Variants in PCDH9 observed in about 807,000 individuals in gnomAD.
PCDH9 encodes the protein protocadherin 9, also known as protocadherin-9.
A neutral mutation model predicts 70.6 loss-of-function variants in PCDH9; 24 were observed. The observed-to-expected ratio is 0.34, with a 90% confidence interval of 0.25 to 0.48. PCDH9 has a LOEUF of 0.48. Among genes scored for constraint, PCDH9 ranks in the 20% least tolerant of loss-of-function variants. The pLI, the probability that PCDH9 is intolerant of heterozygous loss-of-function variation, is 0.99. For missense variants in PCDH9, 1,281 were observed against 1,503.6 expected, an observed-to-expected ratio of 0.85 and a Z score of 2.45; for synonymous variants, 562 against 558.5, an observed-to-expected ratio of 1.01 and a Z score of -0.09.
chr13:66,729,818 G>A (rs2079049382), intron 3 of PCDH9, among the ~76,000 whole-genome samples: 1 of 152,078 alleles, frequency 6.6e-6, no homozygotes, highest in Non-Finnish European at 1.5e-5. Context: ...TTTATGCATT[G>A]ATGATCCTCT....
chr13:67,156,075 C>CGGGA (rs1158661344), intron 2 of PCDH9, among the ~76,000 whole-genome samples: 1 of 151,972 alleles, frequency 6.6e-6, no homozygotes, highest in Non-Finnish European at 1.5e-5. Context: ...TTAAATGATA[C>CGGGA]GGGAGTGCTG....
At chr13:66,786,926 T>C (rs1404210928) in intron 3 of PCDH9, among the ~76,000 whole-genome samples, 1 of 152,192 alleles carries the variant, frequency 6.6e-6, no homozygotes, top group East Asian at 1.9e-4. Context: ...ACAAGAGATG[T>C]CGAAGCATTG....
At chr13:66,323,872 G>A (rs1399350148) in intron 4 of PCDH9, among the ~76,000 whole-genome samples, 1 of 151,874 alleles carries the variant, frequency 6.6e-6, no homozygotes, top group African/African-American at 2.4e-5. Context: ...AGTTTACTCC[G>A]GGGCATCTGC....
At position 67,179,319 on chromosome 13, in the gene PCDH9, T is replaced by G. The variant is rs116153663; in HGVS notation, c.3036+46086A>C. Among the ~76,000 whole-genome samples, 492 of 152,230 alleles carry G rather than the reference T, an allele frequency of 3.2e-3. 3 individuals carry two copies. Among genetic ancestry groups the G allele is most frequent in the African/African-American group, 0.011 (461 of 41,564 alleles). On this transcript the variant is annotated intron_variant, in intron 2 of 4. Coordinates refer to ENST00000377865, the MANE Select transcript of PCDH9 (RefSeq NM_203487.3). ...GTTCCATGTAGAAATTTTATTCTTT[T>G]TAATTTAAACATCTGCACAACTAAT...
In PCDH9 at chr13:66,795,006, T is replaced by C. The variant is rs1271441600; in HGVS notation, c.3138+108498A>G. Among the ~76,000 whole-genome samples the C allele has an allele frequency of 7.2e-4, 32 of 44,666 alleles. No homozygotes were observed. In the Admixed American group the frequency reaches 7.5e-3, roughly 10 times the overall value. The allele number at this position is 44,666 out of a possible 152,430, so 29.3% of individuals were successfully genotyped here. A position where few individuals can be genotyped will look rare whatever the true frequency, so the allele number is the denominator to read the frequency against. ...ACACACACACACACACACACACAAA[T>C]TGAAATAAGAATGAAAAGGAGGAGA... is the stretch of plus-strand genomic sequence containing the variant. On this transcript the variant is annotated intron_variant, in intron 3 of 4. Coordinates refer to ENST00000377865, the MANE Select transcript of PCDH9 (RefSeq NM_203487.3).
chr13:66,758,687 G>A (rs7986778), intron 3 of PCDH9, among the ~76,000 whole-genome samples: 12,367 of 151,948 alleles, frequency 0.081, 520 homozygotes, highest in East Asian at 0.14. Flanking sequence ...AAGCGTTTGA[G>A]AATAATTGGT....
chr13:66,401,509 C>T (rs1566297948), intron 4 of PCDH9, among the ~76,000 whole-genome samples: 1 of 152,030 alleles, frequency 6.6e-6, no homozygotes, highest in East Asian at 1.9e-4. Context: ...TATAAATTAC[C>T]CAATCTCAGG....
intron 4 of PCDH9, among the ~76,000 whole-genome samples, chr13:66,342,331 A>C (rs1314634109): frequency 6.6e-6 from 1 of 152,236 alleles, no homozygotes; most frequent in East Asian, 1.9e-4. Context: ...CTTGCTTTTA[A>C]AATAGATTTC....
At chr13:66,447,647 C>A (rs1398265639) in intron 4 of PCDH9, among the ~76,000 whole-genome samples, 2 of 152,028 alleles carry the variant, frequency 1.3e-5, no homozygotes, top group African/African-American at 2.4e-5. Flanking sequence ...GGTTGCAAAA[C>A]TTAATATAAT....
chr13:66,743,069 C>G (rs898084562), intron 3 of PCDH9, among the ~76,000 whole-genome samples: 2 of 79,696 alleles, frequency 2.5e-5, no homozygotes, highest in Admixed American at 1.5e-4. Flanking sequence ...GCATTATTCA[C>G]AATAGCAAAG....
At chr13:66,501,015 T>C (rs9540773) in intron 4 of PCDH9, among the ~76,000 whole-genome samples, 149,548 of 152,224 alleles carry the variant, frequency 0.98, 73,516 homozygotes, top group East Asian at 1. Flanking sequence ...TTAGGTTTAA[T>C]TATATTTCAA....
At chr13:66,618,818 C>G (rs142511373) in intron 4 of PCDH9, among the ~76,000 whole-genome samples, 4 of 152,212 alleles carry the variant, frequency 2.6e-5, no homozygotes, top group Non-Finnish European at 5.9e-5. Context: ...CTCTTTATTA[C>G]TTCTTGGAAG....
At chr13:66,317,147 A>C (rs750266182) in intron 4 of PCDH9, among the ~76,000 whole-genome samples, 2 of 152,126 alleles carry the variant, frequency 1.3e-5, no homozygotes, top group Non-Finnish European at 2.9e-5. Flanking sequence ...TTTTTCATAC[A>C]TCTATGTAGC....
In PCDH9 at chr13:66,329,260, CTG is replaced by C. The variant is rs1241044429; in HGVS notation, c.3341-24234_3341-24233del. Among the ~76,000 whole-genome samples the C allele has an allele frequency of 1.2e-4, 18 of 152,258 alleles. No individual in the cohort carries two copies. In the East Asian group the frequency reaches 1.4e-3, roughly 11 times the overall value. On this transcript the variant is annotated intron_variant, in intron 4 of 4. Coordinates refer to ENST00000377865, the MANE Select transcript of PCDH9 (RefSeq NM_203487.3). The stretch of plus-strand genomic sequence containing the variant: ...CCCTCAGCCACAGTTGCCTATATGA[CTG>C]TGATTGGCAGACACTGAATGCTTGA...
intron 2 of PCDH9, among the ~76,000 whole-genome samples, chr13:67,159,362 G>A (rs1010368233): frequency 5.3e-5 from 8 of 152,138 alleles, no homozygotes; most frequent in African/African-American, 1.9e-4. Flanking sequence ...AAGGGAAAAG[G>A]TTTACTGCTG....
At chr13:66,615,702 A>G (rs1051966856) in intron 4 of PCDH9, among the ~76,000 whole-genome samples, 3 of 152,258 alleles carry the variant, frequency 2.0e-5, no homozygotes, top group Admixed American at 6.5e-5. Context: ...TAAATGACTG[A>G]ATTCAGAAAG....
At chr13:66,730,175 T>C (rs569012687) in intron 3 of PCDH9, among the ~76,000 whole-genome samples, 65 of 152,312 alleles carry the variant, frequency 4.3e-4, no homozygotes, top group Admixed American at 3.6e-3. Context: ...ATATATGCAT[T>C]CATTTTTTTC....
intron 2 of PCDH9, among the ~76,000 whole-genome samples, chr13:67,035,430 T>G (rs534491582): frequency 6.6e-6 from 1 of 152,042 alleles, no homozygotes; most frequent in Non-Finnish European, 1.5e-5. Flanking sequence ...CAGCTTTCAG[T>G]TTCTTAAGTG....
Position 66,482,912 on chromosome 13 carries a change from T to C in PCDH9, c.3340+148298A>G, listed in dbSNP as rs140118098. 3.8e-4 allele frequency among the ~76,000 whole-genome samples: 58 copies of C among 152,256 alleles called. No homozygotes were observed. The East Asian group carries it at 0.01, about 27-fold the overall frequency. On this transcript the variant is annotated intron_variant, in intron 4 of 4. Coordinates refer to ENST00000377865, the MANE Select transcript of PCDH9 (RefSeq NM_203487.3). ...TTCATGATTTTAACAGAACAAATGG[T>C]TCTGTGGTAACCTTTTTCTAAGGGC...
Sources: gnomAD v4.1 joint callset for allele counts (sites outside exome capture counted in the v4.1 genomes callset) on GRCh38, gnomAD v4.1.1 for gene constraint, MANE v1.5 for transcripts, NCBI Gene and HGNC (gene_info 2026-07-23, HGNC 2026-07-21) for gene names.